The following COL4A1 variants were observed in gnomAD, a reference collection of about 807,000 sequenced individuals.
COL4A1 encodes collagen alpha-1(IV) chain.
In COL4A1, 40 loss-of-function variants were observed where a neutral mutation model predicts 216.6. The observed-to-expected ratio is 0.18, with a 90% CI of 0.14 to 0.24. The LOEUF (loss-of-function observed/expected upper bound fraction) is 0.24. Among genes scored for constraint, COL4A1 ranks in the 10% least tolerant of loss-of-function variants. COL4A1 has a pLI of 1.00. For missense variants in COL4A1, 1,628 were observed against 2,196.8 expected (o/e 0.74, Z 5.18); for synonymous variants, 839 against 810.7 (o/e 1.03, Z -0.59).
Position 110,211,119 on chromosome 13 carries a change from A to G in COL4A1, c.468+528T>C, listed in dbSNP as rs11838386. 0.019 allele frequency among the ~76,000 whole-genome samples: 2,913 copies of G among 152,260 alleles called. 86 individuals are homozygous for G. The highest frequency in any genetic ancestry group is 0.068 in the African/African-American group (2,809 of 41,528). ...GACTCTCACCTTCATCCAGGTAAGCAGTTATCTCTACTGCAGCTGCTGAGA... is the reference window on the plus strand; with the variant it reads ...GACTCTCACCTTCATCCAGGTAAGCGGTTATCTCTACTGCAGCTGCTGAGA... On this transcript the variant is annotated intron_variant, in intron 8 of 51. Coordinates refer to ENST00000375820, the MANE Select transcript of COL4A1 (RefSeq NM_001845.6). This position sits in a 1 kb window ranked among gnomAD's most constrained non-coding sequence, Gnocchi z 4.3.
Position 110,245,115 on chromosome 13 carries a change from C to A in COL4A1, c.85-2381G>T, listed in dbSNP as rs1286524927. 1.3e-5 allele frequency among the ~76,000 whole-genome samples: 2 copies of A among 152,122 alleles called. 1 individual carries two copies. The highest frequency in any genetic ancestry group is 2.9e-5 in the Non-Finnish European group (2 of 68,018). The stretch of plus-strand genomic sequence containing the variant: ...GTGGGACAAAGCTCCAAACAGGGAA[C>A]TCGGCAATGATTACCTGACTGCTCC... On this transcript the variant is annotated intron_variant, in intron 1 of 51. Coordinates refer to ENST00000375820, the MANE Select transcript of COL4A1 (RefSeq NM_001845.6).
chr13:110,251,586 G>A (rs1241041828), intron 1 of COL4A1, among the ~76,000 whole-genome samples: 1 of 152,244 alleles, frequency 6.6e-6, no homozygotes, highest in East Asian at 1.9e-4. Context: ...TGCAAGGGAG[G>A]TGAGCAGAGA....
intron 24 of COL4A1, among the ~76,000 whole-genome samples, chr13:110,189,321 C>T (rs908155683): frequency 2.6e-5 from 4 of 152,214 alleles, no homozygotes; most frequent in Admixed American, 6.5e-5. Flanking sequence ...CCTCGGCCTC[C>T]CAAAGTGCTG....
chr13:110,169,555 A>G lies in COL4A1; in HGVS notation c.3876+74T>C, dbSNP rs574165963. On this transcript the variant is annotated intron_variant, in intron 43 of 51. Coordinates refer to ENST00000375820, the MANE Select transcript of COL4A1 (RefSeq NM_001845.6). ...ATATACATACACAAAATACATACAC[A>G]CATAGACACATATGAATACTTCTGG... is the stretch of plus-strand genomic sequence containing the variant. 3.7e-6 allele frequency: 6 copies of G among 1,603,960 alleles called. No individual in the cohort carries two copies. In the African/African-American group the frequency reaches 8.0e-5, roughly 21 times the overall value.
chr13:110,214,645 C>T (rs1009889430), intron 2 of COL4A1, among the ~76,000 whole-genome samples: 4 of 152,166 alleles, frequency 2.6e-5, no homozygotes, highest in Non-Finnish European at 4.4e-5. Context: ...CTTCTCCTGC[C>T]CTTGGACATC....
At chr13:110,286,479 G>A (rs867845456) in intron 1 of COL4A1, among the ~76,000 whole-genome samples, 1 of 152,172 alleles carries the variant, frequency 6.6e-6, no homozygotes, top group Non-Finnish European at 1.5e-5. Flanking sequence ...GGGGGAGAGA[G>A]GCAGAAGTAT....
intron 1 of COL4A1, among the ~76,000 whole-genome samples, chr13:110,247,992 A>G (rs537725536): frequency 1.3e-5 from 2 of 152,146 alleles, no homozygotes; most frequent in East Asian, 3.9e-4. Flanking sequence ...TGGAAGATAG[A>G]CCTTTAACAT....
chr13:110,228,983 G>A (rs1296198062), intron 2 of COL4A1, among the ~76,000 whole-genome samples: 1 of 152,172 alleles, frequency 6.6e-6, no homozygotes, highest in Non-Finnish European at 1.5e-5. Flanking sequence ...AAAAAGGGGA[G>A]GAAAACCAGA....
At chr13:110,206,814 A>T in intron 14 of COL4A1, 51 bp downstream of exon 14, 1 of 1,612,458 alleles carries the variant, frequency 6.2e-7, no homozygotes, top group East Asian at 2.2e-5. Flanking sequence ...TTGAAACTTA[A>T]ATCTTTATGG....
chr13:110,200,944 C>T, intron 19 of COL4A1, 55 bp from the exon 20 acceptor site: 2 of 1,571,944 alleles, frequency 1.3e-6, no homozygotes, highest in South Asian at 2.2e-5. Context: ...CGTTTGTATA[C>T]ACTTCTTATT....
intron 25 of COL4A1, among the ~76,000 whole-genome samples, 159 bp downstream of exon 25, chr13:110,186,979 G>C (rs755525211): frequency 6.6e-6 from 1 of 152,214 alleles, no homozygotes; most frequent in Non-Finnish European, 1.5e-5. Context: ...TAGGTTTATA[G>C]ACTTAAGTTG....
rs1877134391 is a variant in COL4A1, at chr13:110,162,521, G to A, written c.4250-79C>T. On this transcript the variant is annotated intron_variant, in intron 47 of 51. Coordinates refer to ENST00000375820, the MANE Select transcript of COL4A1 (RefSeq NM_001845.6). ...GGCTTTCAAAATCATTTTCTCCAAA[G>A]AGTTTTTAATATTTTATATTTCCAC... The A allele has an allele frequency of 3.7e-6, 4 of 1,094,192 alleles. No individual in the cohort carries two copies. The South Asian group carries it at 3.8e-5, about 10-fold the overall frequency. 67.8% of individuals were successfully genotyped at this position (1,094,192 alleles called of 1,614,324 possible).
intron 49 of COL4A1, among the ~76,000 whole-genome samples, chr13:110,159,229 G>C (rs1251029671): frequency 6.7e-6 from 1 of 149,998 alleles, no homozygotes; most frequent in East Asian, 2.0e-4. Flanking sequence ...ATGCATTTTC[G>C]ATGGGTACAA....
Position 110,211,158 on chromosome 13 carries a change from C to A in COL4A1, c.468+489G>T, listed in dbSNP as rs1879775732. On this transcript the variant is annotated intron_variant, in intron 8 of 51. Coordinates refer to ENST00000375820, the MANE Select transcript of COL4A1 (RefSeq NM_001845.6). The surrounding 1 kb of genome is among the most constrained non-coding windows in gnomAD (Gnocchi z 4.3). Reference sequence around the variant, plus strand: ...CAGCTGCTGAGACCTGTAAGCCTCCCTTTGACAAGGCTGATCCCAACATCC... The same window carrying A: ...CAGCTGCTGAGACCTGTAAGCCTCCATTTGACAAGGCTGATCCCAACATCC... Among the ~76,000 whole-genome samples, 1 of 152,210 alleles carries A rather than the reference C, an allele frequency of 6.6e-6. No individual in the cohort carries two copies. Among genetic ancestry groups the A allele is most frequent in the Non-Finnish European group, 1.5e-5 (1 of 68,038 alleles).
intron 1 of COL4A1, among the ~76,000 whole-genome samples, chr13:110,302,073 TGGAA>T (rs1166949367): frequency 1.3e-5 from 2 of 151,926 alleles, no homozygotes; most frequent in African/African-American, 4.8e-5. Context: ...CAAAGAGAGC[TGGAA>T]GGGAGTCCCA....
chr13:110,260,850 C>T (rs1212858371), intron 1 of COL4A1, among the ~76,000 whole-genome samples: 1 of 151,736 alleles, frequency 6.6e-6, no homozygotes, highest in Non-Finnish European at 1.5e-5. Context: ...GAGATGGAGA[C>T]CACGGTGAAA....
chr13:110,175,492 C>G, intron 36 of COL4A1, 135 bp from the exon 37 acceptor site: 1 of 1,441,388 alleles, frequency 6.9e-7, no homozygotes, highest in Non-Finnish European at 9.5e-7. Flanking sequence ...GATTGAGATA[C>G]AAGAATGCAC....
At chr13:110,297,923 TAA>T (rs200146266) in intron 1 of COL4A1, among the ~76,000 whole-genome samples, 12 of 143,170 alleles carry the variant, frequency 8.4e-5, no homozygotes, top group Admixed American at 7.0e-5. Context: ...TTCGCTGATG[TAA>T]AAAAAAAAAA....
chr13:110,168,589 G>A (rs1877452346), intron 43 of COL4A1, among the ~76,000 whole-genome samples: 2 of 152,182 alleles, frequency 1.3e-5, no homozygotes, highest in African/African-American at 4.8e-5. Context: ...TCAGCACCAC[G>A]TATTGTTTTG....
Sources: allele counts gnomAD v4.1 joint callset (sites outside exome capture counted in the v4.1 genomes callset), GRCh38; gene constraint gnomAD v4.1.1; non-coding constraint Gnocchi (gnomAD v3.1); transcripts MANE v1.5; gene names NCBI Gene and HGNC (gene_info 2026-07-23, HGNC 2026-07-21).